Variants in MRC1 observed in about 807,000 individuals in gnomAD.
The protein encoded by MRC1 is mannose receptor C-type 1.
Under a neutral mutation model 102.9 loss-of-function variants are expected in MRC1, and 62 were observed. The ratio of observed to expected loss-of-function variants is 0.60; its 90% CI spans 0.49 to 0.74. The LOEUF is 0.74. Ranked by LOEUF, MRC1 falls within the 30% of genes least tolerant of loss-of-function variation. The pLI, the probability that MRC1 is intolerant of heterozygous loss-of-function variation, is 0.00. For missense variants in MRC1, 1,237 were observed against 862.8 expected, an observed-to-expected ratio of 1.43 and a Z score of -5.43; for synonymous variants, 457 against 298.4, an observed-to-expected ratio of 1.53 and a Z score of -5.48.
chr10:17,833,052 A>C (rs999223470), intron 3 of MRC1, among the ~76,000 whole-genome samples: 54,499 of 131,836 alleles, frequency 0.41, 10,291 homozygotes, highest in Admixed American at 0.45. Flanking sequence ...TCCAAGGTCT[A>C]TTGTCTTTAT....
At chr10:17,891,899 A>G (rs1465463620) in intron 22 of MRC1, among the ~76,000 whole-genome samples, 1 of 152,092 alleles carries the variant, frequency 6.6e-6, no homozygotes, top group Non-Finnish European at 1.5e-5. Context: ...GGGGAGGGGA[A>G]GTATTTCGTA....
chr10:17,842,813 A>G (rs1375535180), intron 5 of MRC1, among the ~76,000 whole-genome samples: 3 of 152,214 alleles, frequency 2.0e-5, no homozygotes, highest in Non-Finnish European at 4.4e-5. Flanking sequence ...CTTTGGGTGG[A>G]GTAAAGAATG....
chr10:17,848,964 A>G (rs1394222309), intron 6 of MRC1, among the ~76,000 whole-genome samples: 1 of 152,122 alleles, frequency 6.6e-6, no homozygotes, highest in Admixed American at 6.5e-5. Context: ...TGGCTCCCTA[A>G]TGTCCATAGA....
chr10:17,906,177 C>G (rs1833892310), intron 26 of MRC1, among the ~76,000 whole-genome samples: 1 of 151,488 alleles, frequency 6.6e-6, no homozygotes, highest in African/African-American at 2.4e-5. Flanking sequence ...TAGGACCAGT[C>G]AAAGCAAGGT....
chr10:17,851,162 T>G (rs1390749523), intron 7 of MRC1, among the ~76,000 whole-genome samples: 1 of 152,178 alleles, frequency 6.6e-6, no homozygotes, highest in African/African-American at 2.4e-5. Context: ...TATAACATAA[T>G]GTAGTGAAAG....
chr10:17,867,324 T>C (rs1356489750), intron 12 of MRC1, among the ~76,000 whole-genome samples: 4 of 139,370 alleles, frequency 2.9e-5, no homozygotes, highest in African/African-American at 5.1e-5. Context: ...TCCTTCCTTC[T>C]TCTTCTTCTT....
At position 17,872,248 on chromosome 10, in the gene MRC1, G is replaced by A. The variant is rs932952017; in HGVS notation, c.2344+122G>A. 357 of 770,344 alleles carry A rather than the reference G, an allele frequency of 4.6e-4. No homozygotes were observed. In the African/African-American group the frequency reaches 5.0e-3, roughly 11 times the overall value. 47.7% of individuals were successfully genotyped at this position (770,344 alleles called of 1,614,324 possible). ...TAACAAAATCAGGAAACTGTCAGTG[G>A]CCATCATTGCATAGGATAAGCATGA... On this transcript the variant is annotated intron_variant, in intron 15 of 29. Coordinates refer to ENST00000569591, the MANE Select transcript of MRC1 (RefSeq NM_002438.4).
At chr10:17,880,376 A>T (rs1833496935) in intron 19 of MRC1, 149 bp from the exon 20 acceptor site, 7 of 671,310 alleles carry the variant, frequency 1.0e-5, no homozygotes, top group Non-Finnish European at 1.9e-5. Context: ...AGGATATTGC[A>T]TGGATACCTC....
At chr10:17,883,210 C>G (rs1192800664) in intron 21 of MRC1, among the ~76,000 whole-genome samples, 1 of 152,190 alleles carries the variant, frequency 6.6e-6, no homozygotes, top group Non-Finnish European at 1.5e-5. Context: ...TCGCTGCAGC[C>G]TCCAACTCCT....
chr10:17,878,903 G>C (rs898853737), intron 18 of MRC1, among the ~76,000 whole-genome samples: 24 of 152,154 alleles, frequency 1.6e-4, no homozygotes, highest in Non-Finnish European at 2.9e-4. Context: ...TTTCTAAAGT[G>C]AAAAGGTCAA....
chr10:17,809,684 C>T (rs2130562391), intron 1 of MRC1, among the ~76,000 whole-genome samples, 158 bp downstream of exon 1: 1 of 152,218 alleles, frequency 6.6e-6, no homozygotes. Context: ...GCTGCCTTCA[C>T]CTGGCGGCCA....
At chr10:17,851,343 A>G (rs1371245769) in intron 7 of MRC1, among the ~76,000 whole-genome samples, 3 of 152,130 alleles carry the variant, frequency 2.0e-5, no homozygotes, top group Admixed American at 6.5e-5. Context: ...GTAAAGTTGT[A>G]AAGTTAAAAT....
At position 17,818,478 on chromosome 10, in the gene MRC1, A is replaced by G. The variant is rs1838345737; in HGVS notation, c.62-4596A>G. On this transcript the variant is annotated intron_variant, in intron 1 of 29. Coordinates refer to ENST00000569591, the MANE Select transcript of MRC1 (RefSeq NM_002438.4). Reference sequence around the variant, plus strand: ...GGTTATGGATATTATATGGTAAATAAAAGAATAAAATGAGTTAGGATGATC... The same window carrying G: ...GGTTATGGATATTATATGGTAAATAGAAGAATAAAATGAGTTAGGATGATC... 2.6e-5 allele frequency among the ~76,000 whole-genome samples: 4 copies of G among 152,194 alleles called. No homozygotes were observed. The South Asian group carries it at 6.2e-4, about 24-fold the overall frequency.
At position 17,870,300 on chromosome 10, in the gene MRC1, T is replaced by C; in HGVS notation, c.2038T>C (p.Cys680Arg). The change falls in exon 13 of 30, where the codon TGT becomes CGT. Residue 680 changes from cysteine to arginine, a missense_variant. Transcript: ENST00000569591. ...KKTWFESRDFCRALGGDLASI... is the reference protein window; with the variant it reads ...KKTWFESRDFRRALGGDLASI... ...AACGTGGTTTGAATCTCGAGATTTT[T>C]GTCGAGCTCTGGGTGGAGACTTAGC... 1 of 780,580 alleles carries C rather than the reference T, an allele frequency of 1.3e-6. No homozygotes were observed. The highest frequency in any genetic ancestry group is 2.4e-6 in the Non-Finnish European group (1 of 417,754). The allele number at this position is 780,580 out of a possible 1,614,324, so 48.4% of individuals were successfully genotyped here.
At chr10:17,849,094 T>A (rs1425110280) in intron 6 of MRC1, among the ~76,000 whole-genome samples, 1 of 152,168 alleles carries the variant, frequency 6.6e-6, no homozygotes, top group Admixed American at 6.5e-5. Context: ...ATTTAGATAA[T>A]CTAATATGTA....
intron 2 of MRC1, 133 bp from the exon 3 acceptor site, chr10:17,827,409 A>ATCCCTCTGTGGGTGC: frequency 1.2e-4 from 35 of 295,586 alleles, no homozygotes; most frequent in East Asian, 1.8e-4. Context: ...AAAAAAAAAA[A>ATCCCTCTGTGGGTGC]AGAAATCCCT....
intron 26 of MRC1, among the ~76,000 whole-genome samples, chr10:17,905,418 A>C (rs1396891024): frequency 3.3e-5 from 5 of 152,256 alleles, no homozygotes; most frequent in African/African-American, 1.2e-4. Context: ...AGAAAAAATA[A>C]TTTTCAGAAG....
chr10:17,906,907 A>G lies in MRC1; in HGVS notation c.3821A>G (p.Glu1274Gly), dbSNP rs1833903184. Residue 1274 changes from glutamate to glycine, a missense_variant, in exon 27 of 30, where the codon GAA becomes GGA. By Grantham distance (98) the Glu-to-Gly change is moderately conservative. Transcript: ENST00000569591. Reference sequence around the variant, plus strand: ...CTAGGTTCCTCTCTGGTTTCCATTGAAAGTGCTGCAGAATCCAGTTTTCTG... The same window carrying G: ...CTAGGTTCCTCTCTGGTTTCCATTGGAAGTGCTGCAGAATCCAGTTTTCTG... Reference protein sequence around the residue: ...LRMGSSLVSIESAAESSFLSY... With the variant: ...LRMGSSLVSIGSAAESSFLSY... 6 of 799,302 alleles carry G rather than the reference A, an allele frequency of 7.5e-6. No individual in the cohort carries two copies. The highest frequency in any genetic ancestry group is 1.4e-5 in the Non-Finnish European group (6 of 435,022). 49.5% of individuals were successfully genotyped at this position (799,302 alleles called of 1,614,324 possible). A position where few individuals can be genotyped will look rare whatever the true frequency, so the allele number is the denominator to read the frequency against.
intron 4 of MRC1, among the ~76,000 whole-genome samples, chr10:17,838,964 C>T (rs1838710408): frequency 6.6e-6 from 1 of 152,164 alleles, no homozygotes; most frequent in South Asian, 2.1e-4. Context: ...TATTTGTGGA[C>T]AACACCCATC....
Sources: allele counts gnomAD v4.1 joint callset (sites outside exome capture counted in the v4.1 genomes callset), GRCh38; gene constraint gnomAD v4.1.1; transcripts MANE v1.5; gene names NCBI Gene and HGNC (gene_info 2026-07-23, HGNC 2026-07-21).